The following PTPRM variants were observed in gnomAD, a reference collection of about 807,000 sequenced individuals.
PTPRM encodes the protein receptor-type tyrosine-protein phosphatase mu.
PTPRM carries 47 observed loss-of-function variants against 186.7 expected under a neutral mutation model. The ratio of observed to expected loss-of-function variants is 0.25; its 90% confidence interval spans 0.20 to 0.32. The LOEUF (loss-of-function observed/expected upper bound fraction) is 0.32, where lower values mean the gene tolerates loss of function less well. Among genes scored for constraint, PTPRM ranks in the 10% least tolerant of loss-of-function variants. The probability of loss-of-function intolerance (pLI) is 1.00; values close to 1 mark genes in which losing one functional copy is unlikely to be tolerated. For missense variants in PTPRM, 1,494 were observed against 1,865.0 expected (o/e 0.80, Z 3.66); for synonymous variants, 668 against 674.9 (o/e 0.99, Z 0.16).
intron 14 of PTPRM, among the ~76,000 whole-genome samples, chr18:8,226,267 A>G (rs917959320): frequency 7.2e-6 from 1 of 139,282 alleles, no homozygotes; most frequent in Non-Finnish European, 1.6e-5. Flanking sequence ...CTAGCCCCCA[A>G]TATCCCCCCC....
intron 1 of PTPRM, among the ~76,000 whole-genome samples, chr18:7,737,996 T>C (rs1568065033): frequency 6.6e-6 from 1 of 152,236 alleles, no homozygotes; most frequent in Non-Finnish European, 1.5e-5. Context: ...TGCACGCTTC[T>C]CAAAGATGCT....
intron 14 of PTPRM, among the ~76,000 whole-genome samples, chr18:8,151,918 C>T (rs552141656): frequency 2.6e-5 from 4 of 152,096 alleles, no homozygotes; most frequent in African/African-American, 7.2e-5. Flanking sequence ...AGAAATTCCC[C>T]GACCCCTTGC....
intron 29 of PTPRM, among the ~76,000 whole-genome samples, chr18:8,382,068 C>G (rs1179518616): frequency 1.3e-5 from 2 of 152,158 alleles, no homozygotes; most frequent in East Asian, 3.9e-4. Flanking sequence ...AGCTGATTTT[C>G]AGAGTGAGAG....
intron 1 of PTPRM, among the ~76,000 whole-genome samples, chr18:7,684,193 G>A (rs1308779148): frequency 1.3e-5 from 2 of 151,892 alleles, no homozygotes; most frequent in Non-Finnish European, 2.9e-5. Context: ...CTAGCTATTC[G>A]GGAGACTGAG....
chr18:8,114,853 C>T (rs2091895391), intron 13 of PTPRM, 26 bp downstream of exon 13: 1 of 1,595,950 alleles, frequency 6.3e-7, no homozygotes, highest in Non-Finnish European at 8.6e-7. Flanking sequence ...GGGATATTCT[C>T]CTAATTAATG....
chr18:8,206,247 A>ATTTTTAT (rs1201739816), intron 14 of PTPRM, among the ~76,000 whole-genome samples: 1 of 71,456 alleles, frequency 1.4e-5, no homozygotes, highest in African/African-American at 6.0e-5. Context: ...TCAAGGCTGA[A>ATTTTTAT]TTTTTATTTT....
At chr18:8,289,537 CAT>C (rs375355209) in intron 19 of PTPRM, among the ~76,000 whole-genome samples, 9,871 of 93,452 alleles carry the variant, frequency 0.11, 954 homozygotes, top group African/African-American at 0.2. Context: ...TATATATACA[CAT>C]ATATATATAT....
At chr18:8,394,454 C>G (rs768469735) in intron 31 of PTPRM, 22 bp from the exon 32 acceptor site, 7 of 1,600,300 alleles carry the variant, frequency 4.4e-6, no homozygotes, top group East Asian at 4.5e-5. Flanking sequence ...CGAGTGCAGT[C>G]ATCTGATCTT....
At chr18:8,396,155 C>T (rs768376037) in intron 32 of PTPRM, among the ~76,000 whole-genome samples, 7 of 152,216 alleles carry the variant, frequency 4.6e-5, no homozygotes, top group Non-Finnish European at 8.8e-5. Flanking sequence ...GTTCTACCGC[C>T]ATGGAATTCC....
intron 2 of PTPRM, among the ~76,000 whole-genome samples, chr18:7,879,611 G>A (rs920558336): frequency 6.6e-6 from 1 of 152,142 alleles, no homozygotes; most frequent in African/African-American, 2.4e-5. Context: ...TGGCCGTTCA[G>A]TTGTGCTGTG....
intron 1 of PTPRM, among the ~76,000 whole-genome samples, chr18:7,741,133 A>G (rs13381592): frequency 0.055 from 8,386 of 152,286 alleles, 681 homozygotes; most frequent in African/African-American, 0.18. Flanking sequence ...CTACATTTTT[A>G]TAATGGGTAA....
chr18:7,953,125 A>G (rs1225295779), intron 6 of PTPRM, among the ~76,000 whole-genome samples: 2 of 152,236 alleles, frequency 1.3e-5, no homozygotes, highest in Admixed American at 6.5e-5. Context: ...TTGATTTAGC[A>G]TATCTGGTAC....
chr18:7,924,868 A>T (rs749462762), intron 4 of PTPRM, among the ~76,000 whole-genome samples: 1 of 152,178 alleles, frequency 6.6e-6, no homozygotes, highest in Non-Finnish European at 1.5e-5. Context: ...AAAGGCACAG[A>T]TGGTGGGAAG....
chr18:7,932,917 G>A (rs2051571649), intron 5 of PTPRM, among the ~76,000 whole-genome samples: 1 of 152,110 alleles, frequency 6.6e-6, no homozygotes, highest in South Asian at 2.1e-4. Context: ...ACCTGTGGTC[G>A]ATGAAAATGT....
intron 9 of PTPRM, among the ~76,000 whole-genome samples, chr18:8,083,805 G>A (rs747506733): frequency 8.5e-5 from 13 of 152,096 alleles, no homozygotes; most frequent in African/African-American, 2.4e-4. Flanking sequence ...GAAAGCTTAC[G>A]AGCAAAAGCA....
intron 23 of PTPRM, chr18:8,367,022 G>C (rs970852461): frequency 2.0e-5 from 3 of 152,064 alleles, no homozygotes; most frequent in African/African-American, 7.2e-5. Flanking sequence ...CAGCATCTCT[G>C]TATGCAGACC....
chr18:8,112,421 G>A (rs1478713798), intron 11 of PTPRM, among the ~76,000 whole-genome samples: 2 of 152,188 alleles, frequency 1.3e-5, no homozygotes, highest in Admixed American at 6.5e-5. Flanking sequence ...GCCCTCTTCT[G>A]TGCTTTTTCC....
At chr18:8,401,530 G>A (rs866613800) in intron 32 of PTPRM, among the ~76,000 whole-genome samples, 162 of 152,314 alleles carry the variant, frequency 1.1e-3, no homozygotes, top group African/African-American at 3.6e-3. Context: ...GGATCTGTCC[G>A]TTCAGGGTCT....
chr18:7,777,080 G>T (rs1460655323), intron 2 of PTPRM, among the ~76,000 whole-genome samples: 1 of 152,114 alleles, frequency 6.6e-6, no homozygotes, highest in Non-Finnish European at 1.5e-5. Context: ...TGACTCTTAT[G>T]AATTTCTCAG....
Sources: allele counts gnomAD v4.1 joint callset (sites outside exome capture counted in the v4.1 genomes callset), GRCh38; gene constraint gnomAD v4.1.1; transcripts MANE v1.5; gene names NCBI Gene and HGNC (gene_info 2026-07-23, HGNC 2026-07-21).